The following FAS variants were observed in gnomAD, a reference collection of about 807,000 sequenced individuals.
FAS encodes the protein tumor necrosis factor receptor superfamily member 6.
In FAS, 5 loss-of-function variants were observed where a neutral mutation model predicts 33.2. That is an observed-to-expected ratio of 0.15 (90% confidence interval 0.08 to 0.32). The LOEUF (loss-of-function observed/expected upper bound fraction) is 0.32, where lower values mean the gene tolerates loss of function less well. Ranked by LOEUF, FAS falls within the 10% of genes least tolerant of loss-of-function variation. The pLI is 1.00. For missense variants in FAS, 339 were observed against 386.0 expected, an observed-to-expected ratio of 0.88 and a Z score of 1.02; for synonymous variants, 131 against 130.7, an observed-to-expected ratio of 1.00 and a Z score of -0.01.
upstream of FAS, among the ~76,000 whole-genome samples, chr10:88,987,045 G>A (rs113663184): frequency 5.3e-5 from 8 of 152,212 alleles, no homozygotes; most frequent in South Asian, 2.1e-4. Context: ...TAAGATCTCC[G>A]TCCTCTCTCT....
intron 1 of FAS, among the ~76,000 whole-genome samples, chr10:88,997,780 C>T (rs1847686841): frequency 6.6e-6 from 1 of 152,106 alleles, no homozygotes; most frequent in South Asian, 2.1e-4. Flanking sequence ...AGTCTACAAG[C>T]AGACAAGCAG....
chr10:89,003,363 T>C (rs1258607990), intron 2 of FAS, among the ~76,000 whole-genome samples, 169 bp downstream of exon 2: 2 of 152,248 alleles, frequency 1.3e-5, no homozygotes, highest in Non-Finnish European at 2.9e-5. Flanking sequence ...TTTATTTATA[T>C]TTATCACGCT....
rs953096088 is a variant in FAS, at chr10:89,011,066, C to T, written c.568+251C>T. 10 of 545,216 alleles carry T rather than the reference C, an allele frequency of 1.8e-5. No homozygotes were observed. The Middle Eastern group carries it at 1.5e-3, about 82-fold the overall frequency. The allele number at this position is 545,216 out of a possible 1,614,324, so 33.8% of individuals were successfully genotyped here. On this transcript the variant is annotated intron_variant, in intron 6 of 8. Coordinates refer to ENST00000652046, the MANE Select transcript of FAS (RefSeq NM_000043.6). ...CCTTCCTATGAACAGGTGTTCTCTG[C>T]AGCAGCAGAATTGGCCAAAAATCAG...
In FAS at chr10:89,008,969, G is replaced by A. The variant is rs764476788; in HGVS notation, c.415G>A (p.Val139Ile). 2 of 1,613,898 alleles carry A rather than the reference G, an allele frequency of 1.2e-6. No individual in the cohort carries two copies. The highest frequency in any genetic ancestry group is 8.5e-7 in the Non-Finnish European group (1 of 1,179,802). Residue 139 changes from valine to isoleucine, a missense_variant, in exon 4 of 9, where the codon GTA (valine) becomes ATA (isoleucine). Physicochemically the swap from Val to Ile is conservative, Grantham distance 29. This residue lies in a region of FAS where 276 missense variants were observed against 300.1 expected (regional missense o/e 0.92). Transcript: ENST00000652046. ...CKPNFFCNST[V>I]CEHCDPCTKC... ...ACCAAACTTTTTTTGTAACTCTACT[G>A]TATGTGAACACTGTGACCCTTGCAC... is the stretch of plus-strand genomic sequence containing the variant.
At chr10:89,004,033 A>G (rs1030048782) in intron 2 of FAS, among the ~76,000 whole-genome samples, 2 of 152,180 alleles carry the variant, frequency 1.3e-5, no homozygotes, top group African/African-American at 4.8e-5. Context: ...AATCTCCCCT[A>G]TAACCCAACC....
At chr10:88,981,954 T>C (rs1186177004), upstream of FAS, among the ~76,000 whole-genome samples, 1 of 152,224 alleles carries the variant, frequency 6.6e-6, no homozygotes, top group African/African-American at 2.4e-5. Flanking sequence ...TACCTCTATG[T>C]GAATCAGGAA....
intron 1 of FAS, among the ~76,000 whole-genome samples, chr10:88,967,068 G>C (rs1266249238): frequency 6.6e-6 from 1 of 152,162 alleles, no homozygotes; most frequent in East Asian, 1.9e-4. Flanking sequence ...TTAGCCCCTA[G>C]AAAAGAAAGT....
intron 1 of FAS, among the ~76,000 whole-genome samples, chr10:88,972,897 T>G (rs1342710937): frequency 6.6e-6 from 1 of 152,220 alleles, no homozygotes; most frequent in Non-Finnish European, 1.5e-5. Context: ...CAGGTAATTT[T>G]GTAGGATACT....
chr10:88,990,593 A>G, upstream of FAS: 1 of 673,358 alleles, frequency 1.5e-6, no homozygotes, highest in South Asian at 1.5e-5. This position sits in a 1 kb window ranked among gnomAD's most constrained non-coding sequence, Gnocchi z 4.9. Context: ...GGCGTTCCCC[A>G]GCGAGGCTTC....
At chr10:88,998,592 A>G (rs1571013) in intron 1 of FAS, among the ~76,000 whole-genome samples, 60,499 of 151,878 alleles carry the variant, frequency 0.4, 12,294 homozygotes, top group East Asian at 0.51. Flanking sequence ...TTAGGGTATC[A>G]GTATCACTAT....
At chr10:89,008,383 T>C (rs1389666952) in intron 3 of FAS, among the ~76,000 whole-genome samples, 1 of 152,214 alleles carries the variant, frequency 6.6e-6, no homozygotes, top group Admixed American at 6.5e-5. Flanking sequence ...CATAAAGCTT[T>C]TCCCATCCCT....
intron 1 of FAS, chr10:88,991,141 CGAA>C: frequency 1.6e-6 from 1 of 615,648 alleles, no homozygotes; most frequent in East Asian, 2.7e-5. Flanking sequence ...GGCCTTGATG[CGAA>C]GTGCTGACCC....
At chr10:88,985,649 C>T (rs1045557891), upstream of FAS, among the ~76,000 whole-genome samples, 2 of 152,218 alleles carry the variant, frequency 1.3e-5, no homozygotes, top group Non-Finnish European at 2.9e-5. Flanking sequence ...AAGAGTCCCC[C>T]ACCCCCATCC....
rs140171661 is a variant in FAS at position 89,014,019 on chromosome 10, C to T, written c.677-100C>T. 1.2e-4 allele frequency: 151 copies of T among 1,216,852 alleles called. No individual in the cohort carries two copies. In the African/African-American group the frequency reaches 2.1e-3, roughly 17 times the overall value. 75.4% of individuals were successfully genotyped at this position (1,216,852 alleles called of 1,614,324 possible). ...CTCTTCATAGACCTTTAGGACTTAG[C>T]TATATTCTGAAGTACTATAAAAAGA... On this transcript the variant is annotated intron_variant, in intron 8 of 8. Transcript: ENST00000652046.
intron 2 of FAS, among the ~76,000 whole-genome samples, chr10:89,006,626 C>G (rs1360584426): frequency 6.6e-6 from 1 of 152,054 alleles, no homozygotes; most frequent in African/African-American, 2.4e-5. Flanking sequence ...TTCTCTATTC[C>G]CTTACCTTCA....
At chr10:88,989,780 A>C (rs573015061), upstream of FAS, among the ~76,000 whole-genome samples, 1 of 152,346 alleles carries the variant, frequency 6.6e-6, no homozygotes, top group East Asian at 1.9e-4. Context: ...GAGAGGTTGC[A>C]GAGTGAGGTG....
upstream of FAS, among the ~76,000 whole-genome samples, chr10:88,986,157 C>T (rs1417933213): frequency 1.3e-5 from 2 of 152,090 alleles, no homozygotes; most frequent in Non-Finnish European, 1.5e-5. Flanking sequence ...GTTGAAGAAA[C>T]ATTGCCTTAA....
upstream of FAS, among the ~76,000 whole-genome samples, chr10:88,987,289 A>G (rs1749530856): frequency 6.6e-6 from 1 of 152,258 alleles, no homozygotes; most frequent in South Asian, 2.1e-4. Flanking sequence ...CAAAAGAATT[A>G]TTATACTGAT....
At chr10:88,997,709 C>G (rs1847682347) in intron 1 of FAS, among the ~76,000 whole-genome samples, 1 of 152,076 alleles carries the variant, frequency 6.6e-6, no homozygotes, top group Admixed American at 6.6e-5. Flanking sequence ...TTAAACTATT[C>G]AATAATAAAC....
Sources: allele counts gnomAD v4.1 joint callset (sites outside exome capture counted in the v4.1 genomes callset), GRCh38; gene constraint gnomAD v4.1.1; regional missense constraint gnomAD v4.1.1; non-coding constraint Gnocchi (gnomAD v3.1); transcripts MANE v1.5; gene names NCBI Gene and HGNC (gene_info 2026-07-23, HGNC 2026-07-21).